Variants in STIMATE observed in about 807,000 individuals in gnomAD.
STIMATE encodes store-operated calcium entry regulator STIMATE.
Under a neutral mutation model 36.7 loss-of-function variants are expected in STIMATE, and 15 were observed. The observed-to-expected ratio is 0.41, with a 90% confidence interval of 0.27 to 0.63. The LOEUF (loss-of-function observed/expected upper bound fraction) is 0.63, where lower values mean the gene tolerates loss of function less well. Among genes scored for constraint, STIMATE ranks in the 20% least tolerant of loss-of-function variants. The probability of loss-of-function intolerance (pLI) is 0.32; values close to 1 mark genes in which losing one functional copy is unlikely to be tolerated. For missense variants in STIMATE, 305 were observed against 397.3 expected, an observed-to-expected ratio of 0.77 and a Z score of 1.98; for synonymous variants, 163 against 162.3, an observed-to-expected ratio of 1.00 and a Z score of -0.03.
In STIMATE at chr3:52,897,406, C is replaced by A; in HGVS notation, c.45G>T (p.Gly15=). Residue 15 remains glycine, a synonymous_variant, in exon 1 of 8, where the codon GGG becomes GGT. Coordinates refer to ENST00000355083, the MANE Select transcript of STIMATE (RefSeq NM_198563.5). The stretch of plus-strand genomic sequence containing the variant: ...CCCCGGACGCGACTGTGGAGGGCGG[C>A]CCGCCTGGCAGTCCCCGGCTCGCGT... The part of the protein sequence containing the change: ...AGNASRGLPG[G]PPSTVASGAG... 1 of 1,479,464 alleles carries A rather than the reference C, an allele frequency of 6.8e-7. No homozygotes were observed. The highest frequency in any genetic ancestry group is 8.9e-7 in the Non-Finnish European group (1 of 1,122,076). 91.6% of individuals were successfully genotyped at this position (1,479,464 alleles called of 1,614,324 possible).
intron 1 of STIMATE, among the ~76,000 whole-genome samples, chr3:52,887,337 T>A (rs1026538851): frequency 6.6e-6 from 1 of 152,200 alleles, no homozygotes; most frequent in Non-Finnish European, 1.5e-5. Flanking sequence ...CGCCATAGCA[T>A]CTTCAGGTGG....
At chr3:52,846,834 G>A (rs1024378398) in intron 4 of STIMATE, among the ~76,000 whole-genome samples, 1 of 152,198 alleles carries the variant, frequency 6.6e-6, no homozygotes, top group Non-Finnish European at 1.5e-5. Flanking sequence ...GAGTCTTTCA[G>A]ATGTCCCCCA....
In STIMATE at chr3:52,897,541, C is replaced by G. The variant is rs915717127; in HGVS notation, c.-91G>C. The G allele has an allele frequency of 8.5e-7, 1 of 1,176,328 alleles. No individual in the cohort carries two copies. The highest frequency in any genetic ancestry group is 1.0e-6 in the Non-Finnish European group (1 of 952,922). The allele number at this position is 1,176,328 out of a possible 1,614,324, so 72.9% of individuals were successfully genotyped here. On this transcript the variant is annotated 5_prime_UTR_variant, in exon 1 of 8. Coordinates refer to ENST00000355083, the MANE Select transcript of STIMATE (RefSeq NM_198563.5). ...CGCCGCCAAACCCGCAGCCGGGATC[C>G]CAAGCCTGAGCCGGTACCTCCGCCC...
At chr3:52,877,711 G>C (rs892184506) in intron 1 of STIMATE, among the ~76,000 whole-genome samples, 2 of 152,326 alleles carry the variant, frequency 1.3e-5, no homozygotes, top group Admixed American at 1.3e-4. Flanking sequence ...AGTCAGCCAT[G>C]GTGGGCCTCA....
At chr3:52,843,941 T>C in intron 5 of STIMATE, 143 bp from the exon 6 acceptor site, 1 of 1,083,328 alleles carries the variant, frequency 9.2e-7, no homozygotes, top group South Asian at 1.5e-5. Context: ...ACCTCATGCC[T>C]AGGGTTCCCA....
rs1700774691 is a variant in STIMATE at position 52,840,383 on chromosome 3, A to G, written c.*111T>C. On this transcript the variant is annotated 3_prime_UTR_variant, in exon 8 of 8. Coordinates refer to ENST00000355083, the MANE Select transcript of STIMATE (RefSeq NM_198563.5). ...GAGAGCGGGCAGAGACAGCAAGAGGAGCAGAGGTAGAAAGGAAGGGCAGAG... is the reference window on the plus strand; with the variant it reads ...GAGAGCGGGCAGAGACAGCAAGAGGGGCAGAGGTAGAAAGGAAGGGCAGAG... 1 of 1,214,004 alleles carries G rather than the reference A, an allele frequency of 8.2e-7. No individual in the cohort carries two copies. The highest frequency in any genetic ancestry group is 1.2e-6 in the Non-Finnish European group (1 of 856,760). The allele number at this position is 1,214,004 out of a possible 1,614,324, so 75.2% of individuals were successfully genotyped here.
intron 1 of STIMATE, among the ~76,000 whole-genome samples, chr3:52,856,553 G>A (rs1415964183): frequency 6.6e-6 from 1 of 152,040 alleles, no homozygotes; most frequent in African/African-American, 2.4e-5. Flanking sequence ...GTGTGGTGGC[G>A]CACACCTCTG....
intron 7 of STIMATE, among the ~76,000 whole-genome samples, chr3:52,842,205 C>A (rs567136397): frequency 1.8e-4 from 27 of 152,348 alleles, no homozygotes; most frequent in African/African-American, 5.5e-4. Context: ...ATGCCTCCCA[C>A]GAGCTGGCCC....
At position 52,897,272 on chromosome 3, in the gene STIMATE, C is replaced by CG. The variant is rs376857317; in HGVS notation, c.160+18dup. The CG allele has an allele frequency of 2.1e-5, 33 of 1,537,308 alleles. No individual in the cohort carries two copies. The highest frequency in any genetic ancestry group is 4.1e-5 in the African/African-American group (3 of 72,882). Reference sequence around the variant, plus strand: ...CTGCCGCGCAGGGCCTCCGGAGGGTCGGGGGGTCCCAGACTCACGCATTAA... The same window carrying CG: ...CTGCCGCGCAGGGCCTCCGGAGGGTCGGGGGGGTCCCAGACTCACGCATTAA... On this transcript the variant is annotated intron_variant, in intron 1 of 7. Coordinates refer to ENST00000355083, the MANE Select transcript of STIMATE (RefSeq NM_198563.5).
intron 2 of STIMATE, among the ~76,000 whole-genome samples, chr3:52,854,672 G>A (rs1701063477): frequency 6.6e-6 from 1 of 152,218 alleles, no homozygotes; most frequent in Non-Finnish European, 1.5e-5. Context: ...GCGGGGAAGT[G>A]GGGGTTGTGG....
rs1451671765 is a variant in STIMATE, at chr3:52,838,541, A to ACTAGAGAG, written c.*1945_*1952dup. On this transcript the variant is annotated 3_prime_UTR_variant, in exon 8 of 8. Transcript: ENST00000355083. ...GGCCTGGTTCTAGCCACTCTTCCCCACTAGAGAGCTGCTGGGGAAATACTG... is the reference window on the plus strand; with the variant it reads ...GGCCTGGTTCTAGCCACTCTTCCCCACTAGAGAGCTAGAGAGCTGCTGGGGAAATACTG... 6.6e-5 allele frequency: 10 copies of ACTAGAGAG among 152,184 alleles called. No individual in the cohort carries two copies. Among genetic ancestry groups the ACTAGAGAG allele is most frequent in the Non-Finnish European group, 1.5e-4 (10 of 68,026 alleles). The allele number at this position is 152,184 out of a possible 1,614,324, so 9.4% of individuals were successfully genotyped here. A position where few individuals can be genotyped will look rare whatever the true frequency, so the allele number is the denominator to read the frequency against.
intron 3 of STIMATE, among the ~76,000 whole-genome samples, chr3:52,851,602 G>C (rs535051026): frequency 1.3e-5 from 2 of 152,214 alleles, no homozygotes; most frequent in African/African-American, 4.8e-5. Context: ...GAGATGGCAG[G>C]AGCAGCAACT....
At position 52,842,876 on chromosome 3, in the gene STIMATE, C is replaced by G. The variant is rs1397140881; in HGVS notation, c.703G>C (p.Asp235His). 6.2e-7 allele frequency: 1 copy of G among 1,614,244 alleles called. No homozygotes were observed. Among genetic ancestry groups the G allele is most frequent in the Non-Finnish European group, 8.5e-7 (1 of 1,180,052 alleles). ...AKLEERGANQ[D>H]SRNGSKVRYR... ...CGGACCTTGCTCCCATTCCTCGAGTCCTGGTTGGCTCCCCTTTCTTCTAGC... is the reference window on the plus strand; with the variant it reads ...CGGACCTTGCTCCCATTCCTCGAGTGCTGGTTGGCTCCCCTTTCTTCTAGC... Residue 235 changes from aspartate (D) to histidine (H), a missense_variant, in exon 7 of 8, where the codon GAC becomes CAC. Physicochemically the swap from Asp to His is moderately conservative, Grantham distance 81. This residue lies in a region of STIMATE where 84 missense variants were observed against 82.4 expected (regional missense o/e 1.02). Coordinates refer to ENST00000355083, the MANE Select transcript of STIMATE (RefSeq NM_198563.5).
At chr3:52,856,826 A>G (rs1424132357) in intron 1 of STIMATE, among the ~76,000 whole-genome samples, 2 of 152,270 alleles carry the variant, frequency 1.3e-5, no homozygotes, top group African/African-American at 4.8e-5. Flanking sequence ...GTCTGTAGAC[A>G]CGATGGCCTG....
At chr3:52,856,558 C>T (rs1701100699) in intron 1 of STIMATE, among the ~76,000 whole-genome samples, 1 of 152,094 alleles carries the variant, frequency 6.6e-6, no homozygotes, top group Non-Finnish European at 1.5e-5. Flanking sequence ...GTGGCGCACA[C>T]CTCTGGTTCT....
intron 3 of STIMATE, 79 bp downstream of exon 3, chr3:52,852,524 C>A: frequency 1.3e-6 from 2 of 1,571,578 alleles, no homozygotes; most frequent in East Asian, 2.2e-5. Flanking sequence ...GGGAGCAGGA[C>A]CAGCAGCAGA....
intron 1 of STIMATE, among the ~76,000 whole-genome samples, chr3:52,858,226 A>C (rs1332857133): frequency 6.6e-6 from 1 of 152,210 alleles, no homozygotes; most frequent in Non-Finnish European, 1.5e-5. Context: ...ACCTAGATGA[A>C]AGATATTTGG....
intron 1 of STIMATE, among the ~76,000 whole-genome samples, chr3:52,887,206 C>T (rs1308863191): frequency 1.3e-5 from 2 of 152,196 alleles, no homozygotes; most frequent in Non-Finnish European, 2.9e-5. Flanking sequence ...TAAAAGAACA[C>T]CTGTGTCCTT....
chr3:52,863,912 G>T (rs1160576452), intron 1 of STIMATE, among the ~76,000 whole-genome samples: 4 of 152,262 alleles, frequency 2.6e-5, no homozygotes, highest in African/African-American at 9.6e-5. Flanking sequence ...CAAGAGGTAG[G>T]TTCCCACAGT....
Sources: gnomAD v4.1 joint callset for allele counts (sites outside exome capture counted in the v4.1 genomes callset) on GRCh38, gnomAD v4.1.1 for gene constraint, gnomAD v4.1.1 regional missense constraint, MANE v1.5 for transcripts, NCBI Gene and HGNC (gene_info 2026-07-23, HGNC 2026-07-21) for gene names.